The following VWA8 variants were observed in gnomAD, a reference collection of about 807,000 sequenced individuals.
VWA8 encodes von Willebrand factor A domain-containing protein 8.
A neutral mutation model predicts 241.5 loss-of-function variants in VWA8; 221 were observed. The observed-to-expected ratio is 0.91, with a 90% CI of 0.82 to 1.02. VWA8 has a LOEUF of 1.02. Ranked by LOEUF, VWA8 falls within the 50% of genes least tolerant of loss-of-function variation. VWA8 has a pLI of 0.00. For missense variants in VWA8, 2,322 were observed against 2,328.7 expected, an observed-to-expected ratio of 1.00 and a Z score of 0.06; for synonymous variants, 852 against 827.1, an observed-to-expected ratio of 1.03 and a Z score of -0.52.
At chr13:41,788,817 T>TG (rs1869322413) in intron 17 of VWA8, among the ~76,000 whole-genome samples, 1 of 152,160 alleles carries the variant, frequency 6.6e-6, no homozygotes, top group Admixed American at 6.6e-5. Flanking sequence ...TGACTGGCAT[T>TG]GACTATTTTC....
In VWA8 at chr13:41,699,235, T is replaced by A. The variant is rs780272704; in HGVS notation, c.3400A>T (p.Asn1134Tyr). The A allele has an allele frequency of 1.9e-6, 3 of 1,614,074 alleles. No individual in the cohort carries two copies. The highest frequency in any genetic ancestry group is 2.5e-6 in the Non-Finnish European group (3 of 1,180,014). Residue 1134 changes from asparagine (N) to tyrosine (Y), a missense_variant, in exon 29 of 45, where the codon AAT (asparagine) becomes TAT (tyrosine). By Grantham distance (143) the Asn-to-Tyr change is moderately radical. Coordinates refer to ENST00000379310, the MANE Select transcript of VWA8 (RefSeq NM_015058.2). Reference protein sequence around the residue: ...EQNTLYVVTCNPASLYFMNMT... With the variant: ...EQNTLYVVTCYPASLYFMNMT... ...TTCATAAAGTACAGGGAAGCGGGAT[T>A]GCATGTAACTACATAGAGAGTATTT...
intron 12 of VWA8, among the ~76,000 whole-genome samples, chr13:41,858,267 A>T (rs1222416005): frequency 6.6e-6 from 1 of 152,206 alleles, no homozygotes; most frequent in Admixed American, 6.5e-5. Flanking sequence ...TTAAATTTAA[A>T]ATATTCTACA....
At chr13:41,786,773 G>T (rs1869208427) in intron 18 of VWA8, among the ~76,000 whole-genome samples, 1 of 152,090 alleles carries the variant, frequency 6.6e-6, no homozygotes, top group Non-Finnish European at 1.5e-5. Flanking sequence ...CCCTTTTAAA[G>T]AGTAGTCACA....
chr13:41,774,707 T>C (rs1441220278), intron 20 of VWA8, among the ~76,000 whole-genome samples: 1 of 152,150 alleles, frequency 6.6e-6, no homozygotes, highest in Non-Finnish European at 1.5e-5. Flanking sequence ...TATTCTAGAA[T>C]ATTACAGCCA....
At chr13:41,853,126 A>C (rs1204553902) in intron 12 of VWA8, among the ~76,000 whole-genome samples, 1 of 152,048 alleles carries the variant, frequency 6.6e-6, no homozygotes, top group Admixed American at 6.6e-5. Context: ...GGGTACATTT[A>C]TTTCTTTTTC....
At chr13:41,795,964 T>C (rs1456955622) in intron 17 of VWA8, among the ~76,000 whole-genome samples, 3 of 151,816 alleles carry the variant, frequency 2.0e-5, no homozygotes, top group Admixed American at 1.3e-4. Context: ...GAAAGAAAAA[T>C]AAAGAAAAAA....
At chr13:41,648,275 T>C (rs2044845245) in intron 37 of VWA8, among the ~76,000 whole-genome samples, 1 of 152,144 alleles carries the variant, frequency 6.6e-6, no homozygotes, top group African/African-American at 2.4e-5. Flanking sequence ...TTTGGAAGCT[T>C]GAGATTACAT....
intron 14 of VWA8, among the ~76,000 whole-genome samples, chr13:41,828,581 A>G (rs560854417): frequency 6.6e-6 from 1 of 152,316 alleles, no homozygotes; most frequent in Admixed American, 6.5e-5. Flanking sequence ...ATTCACCTAG[A>G]TATTGCTAAC....
At chr13:41,606,036 T>A (rs2044551839) in intron 39 of VWA8, among the ~76,000 whole-genome samples, 1 of 152,048 alleles carries the variant, frequency 6.6e-6, no homozygotes, top group Non-Finnish European at 1.5e-5. Flanking sequence ...TCCCCTGACT[T>A]TGCCTAATAA....
intron 40 of VWA8, among the ~76,000 whole-genome samples, chr13:41,600,428 C>T (rs533707940): frequency 6.6e-6 from 1 of 152,230 alleles, no homozygotes; most frequent in Non-Finnish European, 1.5e-5. Flanking sequence ...TGGCACTTTG[C>T]TGCTCTCCTG....
intron 12 of VWA8, among the ~76,000 whole-genome samples, chr13:41,838,978 G>A (rs1000270900): frequency 6.6e-6 from 1 of 152,130 alleles, no homozygotes; most frequent in African/African-American, 2.4e-5. Flanking sequence ...TGTCTTTATA[G>A]TAGAATGATT....
intron 2 of VWA8, chr13:41,926,723 G>T: frequency 1.9e-6 from 1 of 537,362 alleles, no homozygotes; most frequent in South Asian, 1.4e-5. Flanking sequence ...ATAGGGCCAG[G>T]CCTATGATAC....
At chr13:41,928,440 G>A (rs1175116349) in intron 2 of VWA8, among the ~76,000 whole-genome samples, 1 of 151,812 alleles carries the variant, frequency 6.6e-6, no homozygotes, top group Non-Finnish European at 1.5e-5. Context: ...AACAGTAACA[G>A]GAAGAATCCT....
intron 2 of VWA8, among the ~76,000 whole-genome samples, chr13:41,924,933 A>G (rs1876758621): frequency 6.6e-6 from 1 of 152,184 alleles, no homozygotes; most frequent in Non-Finnish European, 1.5e-5. Flanking sequence ...GTCTCCAAAC[A>G]GATTTAATCC....
intron 40 of VWA8, 48 bp downstream of exon 40, chr13:41,605,120 C>T (rs1244185541): frequency 3.2e-6 from 5 of 1,579,922 alleles, no homozygotes; most frequent in Non-Finnish European, 4.3e-6. Context: ...AGGAATGTGT[C>T]CAGGTTTGGG....
chr13:41,797,196 A>ATTTT (rs11400380), intron 17 of VWA8, among the ~76,000 whole-genome samples: 1 of 140,418 alleles, frequency 7.1e-6, no homozygotes, highest in African/African-American at 2.7e-5. Flanking sequence ...ACACCCAAGT[A>ATTTT]TTTTTTTTTT....
intron 22 of VWA8, among the ~76,000 whole-genome samples, chr13:41,730,462 T>C (rs560266077): frequency 6.6e-6 from 1 of 151,512 alleles, no homozygotes; most frequent in African/African-American, 2.4e-5. Flanking sequence ...GGCCAAAAAG[T>C]GGTTTGGGAA....
At chr13:41,836,544 C>T (rs1178878409) in intron 12 of VWA8, among the ~76,000 whole-genome samples, 4 of 152,050 alleles carry the variant, frequency 2.6e-5, no homozygotes, top group Non-Finnish European at 1.5e-5. Context: ...GAAAGAATTC[C>T]TCATTCTTAT....
Position 41,891,558 on chromosome 13 carries a change from T to C in VWA8, c.513A>G (p.Arg171=). ...TTTCCAAACCTTCCAAAATGAGAGT[T>C]CTGCCTTCTGTGGCTGCACGAACTG... ...QCAVRAATEG[R]TLILEGLEKA... The change falls in exon 5 of 45, where the codon AGA becomes AGG. Residue 171 remains arginine (R), a synonymous_variant. Coordinates refer to ENST00000379310, the MANE Select transcript of VWA8 (RefSeq NM_015058.2). 1 of 1,614,204 alleles carries C rather than the reference T, an allele frequency of 6.2e-7. No individual in the cohort carries two copies. Among genetic ancestry groups the C allele is most frequent in the Non-Finnish European group, 8.5e-7 (1 of 1,180,024 alleles).
Sources: allele counts gnomAD v4.1 joint callset (sites outside exome capture counted in the v4.1 genomes callset), GRCh38; gene constraint gnomAD v4.1.1; transcripts MANE v1.5; gene names NCBI Gene and HGNC (gene_info 2026-07-23, HGNC 2026-07-21).